The following RASA1 variants were observed in gnomAD, a reference collection of about 807,000 sequenced individuals.
RASA1 encodes ras GTPase-activating protein 1.
Under a neutral mutation model 132.2 loss-of-function variants are expected in RASA1, and 25 were observed. That is an observed-to-expected ratio of 0.19 (90% confidence interval 0.14 to 0.26). The LOEUF is 0.26. RASA1 is among the 10% of genes least tolerant of loss of function. The probability of loss-of-function intolerance (pLI) is 1.00; values close to 1 mark genes in which losing one functional copy is unlikely to be tolerated. For missense variants in RASA1, 964 were observed against 1,299.2 expected (o/e 0.74, Z 3.97); for synonymous variants, 477 against 449.9 (o/e 1.06, Z -0.76).
At position 87,285,193 on chromosome 5, in the gene RASA1, A is replaced by G. The variant is rs148877921; in HGVS notation, c.539+16203A>G. 8.3e-3 allele frequency among the ~76,000 whole-genome samples: 1,263 copies of G among 151,518 alleles called. 16 individuals carry two copies. Among genetic ancestry groups the G allele is most frequent in the African/African-American group, 0.02 (814 of 41,328 alleles). On this transcript the variant is annotated intron_variant, in intron 1 of 24. Coordinates refer to ENST00000274376, the MANE Select transcript of RASA1 (RefSeq NM_002890.3). ...AGCGATTCTTCTGCCTCAGCTTCCC[A>G]AGTAGCTGGGACTACAGGCGAGTGC... is the stretch of plus-strand genomic sequence containing the variant.
intron 1 of RASA1, among the ~76,000 whole-genome samples, chr5:87,294,635 G>A (rs1320416913): frequency 6.6e-6 from 1 of 152,054 alleles, no homozygotes; most frequent in Non-Finnish European, 1.5e-5. Context: ...TTTGATTAAT[G>A]TGTTTATTCA....
intron 1 of RASA1, among the ~76,000 whole-genome samples, chr5:87,300,640 A>G (rs892630649): frequency 8.5e-5 from 13 of 152,244 alleles, no homozygotes; most frequent in Non-Finnish European, 1.6e-4. Flanking sequence ...GCAATTATTT[A>G]TAAGGTAATA....
At chr5:87,301,992 G>A (rs1462777221) in intron 1 of RASA1, among the ~76,000 whole-genome samples, 1 of 152,030 alleles carries the variant, frequency 6.6e-6, no homozygotes, top group South Asian at 2.1e-4. Flanking sequence ...ATTACAGATA[G>A]CATTGCTATG....
intron 13 of RASA1, among the ~76,000 whole-genome samples, chr5:87,372,792 C>A (rs1261775142): frequency 6.6e-6 from 1 of 151,990 alleles, no homozygotes; most frequent in Admixed American, 6.6e-5. Context: ...TTTTGACATT[C>A]TCAAGGTTTA....
At chr5:87,279,397 G>C (rs189004063) in intron 1 of RASA1, among the ~76,000 whole-genome samples, 1 of 149,136 alleles carries the variant, frequency 6.7e-6, no homozygotes, top group Non-Finnish European at 1.5e-5. Flanking sequence ...TTGTTTAACC[G>C]TTCAGCCATT....
rs1309438430 is a variant in RASA1 at position 87,349,409 on chromosome 5, G to T, written c.1253+45G>T. 3 of 1,597,034 alleles carry T rather than the reference G, an allele frequency of 1.9e-6. No individual in the cohort carries two copies. The Admixed American group carries it at 5.0e-5, about 27-fold the overall frequency. ...CTATCTTTTACTTTTCGCAAAAATA[G>T]TTGAAATCTTGATAATACAGTATTC... On this transcript the variant is annotated intron_variant, in intron 8 of 24. Coordinates refer to ENST00000274376, the MANE Select transcript of RASA1 (RefSeq NM_002890.3).
intron 11 of RASA1, among the ~76,000 whole-genome samples, chr5:87,369,561 A>G (rs552321769): frequency 1.3e-5 from 2 of 152,212 alleles, no homozygotes; most frequent in East Asian, 3.9e-4. Context: ...TTTCTAATGT[A>G]TTTTACAATT....
At chr5:87,368,722 T>C (rs1760710836) in intron 11 of RASA1, among the ~76,000 whole-genome samples, 1 of 152,182 alleles carries the variant, frequency 6.6e-6, no homozygotes, top group South Asian at 2.1e-4. Flanking sequence ...TTTAGCCTTT[T>C]AGGAACTATT....
chr5:87,388,994 C>G (rs1762265417), intron 23 of RASA1, among the ~76,000 whole-genome samples: 2 of 152,036 alleles, frequency 1.3e-5, no homozygotes, highest in Non-Finnish European at 1.5e-5. Context: ...AAAATGGAAT[C>G]TGGCTTTCAT....
intron 1 of RASA1, among the ~76,000 whole-genome samples, chr5:87,270,253 A>G (rs1238911096): frequency 6.6e-6 from 1 of 151,726 alleles, no homozygotes; most frequent in East Asian, 1.9e-4. Flanking sequence ...AAAAAAAAAA[A>G]AAAAGAATTT....
intron 1 of RASA1, among the ~76,000 whole-genome samples, chr5:87,286,295 T>C (rs1245563088): frequency 6.6e-6 from 1 of 152,104 alleles, no homozygotes; most frequent in Non-Finnish European, 1.5e-5. Context: ...TTTATTTCCT[T>C]TACTTTGATT....
intron 10 of RASA1, 63 bp downstream of exon 10, chr5:87,362,734 CTTA>C (rs1760210142): frequency 1.3e-6 from 2 of 1,533,460 alleles, no homozygotes; most frequent in Middle Eastern, 1.7e-4. Flanking sequence ...GAGCTCCGAA[CTTA>C]TTGTGATATA....
rs1386429855 is a variant in RASA1, at chr5:87,389,582, A to AGTT, written c.3060+56_3060+58dup. On this transcript the variant is annotated intron_variant, in intron 24 of 24. Coordinates refer to ENST00000274376, the MANE Select transcript of RASA1 (RefSeq NM_002890.3). ...GATGTTTCAAAGATAACACTTAGAG[A>AGTT]GTTAATAAATAGCTGAATTCTGGTT... 8.2e-6 allele frequency: 13 copies of AGTT among 1,594,804 alleles called. No individual in the cohort carries two copies. The African/African-American group carries it at 1.8e-4, about 21-fold the overall frequency.
intron 1 of RASA1, among the ~76,000 whole-genome samples, chr5:87,300,104 C>G (rs1478694771): frequency 6.6e-6 from 1 of 152,254 alleles, no homozygotes; most frequent in South Asian, 2.1e-4. Context: ...GCAGTTGGCT[C>G]ATGCCTGTAA....
At chr5:87,288,910 T>G (rs1754795314) in intron 1 of RASA1, among the ~76,000 whole-genome samples, 1 of 152,204 alleles carries the variant, frequency 6.6e-6, no homozygotes, top group Non-Finnish European at 1.5e-5. Context: ...TCTTTTCCAT[T>G]GAAATACTTT....
chr5:87,349,091 AC>A, intron 7 of RASA1, 122 bp from the exon 8 acceptor site: 3 of 1,221,922 alleles, frequency 2.5e-6, no homozygotes, highest in Admixed American at 2.3e-5. Flanking sequence ...TAAAAAAAAA[AC>A]AAGTTCCTGG....
At position 87,331,513 on chromosome 5, in the gene RASA1, T is replaced by G; in HGVS notation, c.692+13T>G. ...TCAACCATTTTAGGTAAGTCTTTAT[T>G]CCTATTATGAAGCCAAATGATGTAG... On this transcript the variant is annotated intron_variant, in intron 2 of 24. Transcript: ENST00000274376. 6.2e-7 allele frequency: 1 copy of G among 1,612,934 alleles called. No homozygotes were observed. The highest frequency in any genetic ancestry group is 2.2e-5 in the East Asian group (1 of 44,828).
rs73156386 is a variant in RASA1, at chr5:87,359,835, G to A, written c.1333-2716G>A. On this transcript the variant is annotated intron_variant, in intron 9 of 24. Transcript: ENST00000274376. ...AATGTAGTAAGAATTTAAATGTAGC[G>A]TACCCAAATTTTTGTTCCATGTTTT... Among the ~76,000 whole-genome samples the A allele has an allele frequency of 1.7e-3, 261 of 152,122 alleles. 1 individual carries two copies. Among genetic ancestry groups the A allele is most frequent in the Middle Eastern group, 0.017 (5 of 294 alleles).
intron 1 of RASA1, among the ~76,000 whole-genome samples, chr5:87,317,908 T>C (rs1334568483): frequency 1.3e-5 from 2 of 152,128 alleles, no homozygotes; most frequent in Non-Finnish European, 2.9e-5. Context: ...ATTTCTATAA[T>C]TACAGGCTTG....
Sources: gnomAD v4.1 joint callset for allele counts (sites outside exome capture counted in the v4.1 genomes callset) on GRCh38, gnomAD v4.1.1 for gene constraint, MANE v1.5 for transcripts, NCBI Gene and HGNC (gene_info 2026-07-23, HGNC 2026-07-21) for gene names.